ARHGEF10L: variants seen among roughly 807,000 people sequenced by gnomAD.
The protein encoded by ARHGEF10L is rho guanine nucleotide exchange factor 10-like protein.
ARHGEF10L carries 69 observed loss-of-function variants against 141.2 expected under a neutral mutation model. The observed-to-expected ratio is 0.49, with a 90% CI of 0.40 to 0.60. ARHGEF10L has a LOEUF of 0.60. Ranked by LOEUF, ARHGEF10L falls within the 20% of genes least tolerant of loss-of-function variation. The pLI is 0.00. For synonymous variants in ARHGEF10L, 711 were observed against 718.5 expected, an observed-to-expected ratio of 0.99 and a Z score of 0.17; for missense variants, 1,482 against 1,734.3, an observed-to-expected ratio of 0.85 and a Z score of 2.58.
At chr1:17,589,607 A>T (rs534210866) in intron 4 of ARHGEF10L, among the ~76,000 whole-genome samples, 2 of 152,238 alleles carry the variant, frequency 1.3e-5, no homozygotes, top group African/African-American at 4.8e-5. Context: ...GAGTGGGTGG[A>T]CTTGGGGAGG....
At chr1:17,563,978 CCTGTT>C (rs1259767070) in intron 1 of ARHGEF10L, among the ~76,000 whole-genome samples, 2 of 152,212 alleles carry the variant, frequency 1.3e-5, no homozygotes, top group African/African-American at 4.8e-5. Flanking sequence ...GCCACTAACT[CCTGTT>C]CTGATCAGTG....
the ARHGEF10L span, among the ~76,000 whole-genome samples, chr1:17,530,333 G>A: frequency 6.6e-6 from 1 of 152,220 alleles, no homozygotes; most frequent in Non-Finnish European, 1.5e-5. Flanking sequence ...CACTTAATCA[G>A]CTCTGTGGGA....
intron 26 of ARHGEF10L, among the ~76,000 whole-genome samples, chr1:17,679,500 A>T (rs2063946981): frequency 6.6e-6 from 1 of 152,156 alleles, no homozygotes; most frequent in South Asian, 2.1e-4. Context: ...GACAGTCCTG[A>T]GCAAACCGGG....
At position 17,697,356 on chromosome 1, in the gene ARHGEF10L, C is replaced by T. The variant is rs760436074; in HGVS notation, c.3816C>T (p.Ile1272=). 12 of 1,600,310 alleles carry T rather than the reference C, an allele frequency of 7.5e-6. 1 individual carries two copies. The South Asian group carries it at 8.9e-5, about 12-fold the overall frequency. The change falls in exon 29 of 29, where the codon ATC becomes ATT. Residue 1272 remains isoleucine, a synonymous_variant. Coordinates refer to ENST00000361221, the MANE Select transcript of ARHGEF10L (RefSeq NM_018125.4). The surrounding 1 kb of genome is among the most constrained non-coding windows in gnomAD (Gnocchi z 4.8). ...GGGAGACGGACAGCACCCTCCTCAT[C>T]TGGCAGGTGCCCTTGATGCTATAGC... ...PCGETDSTLL[I]WQVPLML is the part of the protein sequence containing the mutation.
chr1:17,520,708 G>A, the ARHGEF10L span, among the ~76,000 whole-genome samples: 6 of 152,224 alleles, frequency 3.9e-5, no homozygotes, highest in African/African-American at 9.6e-5. Flanking sequence ...GGCAGGTCAC[G>A]GCAACCTGGA....
At chr1:17,596,381 GT>G (rs1425310736) in intron 4 of ARHGEF10L, among the ~76,000 whole-genome samples, 1 of 152,242 alleles carries the variant, frequency 6.6e-6, no homozygotes, top group Non-Finnish European at 1.5e-5. Flanking sequence ...GTGACACTGT[GT>G]GGGGCTGTCC....
intron 25 of ARHGEF10L, among the ~76,000 whole-genome samples, chr1:17,658,955 G>T (rs1036977396): frequency 1.4e-4 from 22 of 152,190 alleles, no homozygotes; most frequent in African/African-American, 4.8e-4. Context: ...CCAGAGGCAG[G>T]AGAATGCTTG....
At chr1:17,597,939 A>G (rs1158025416) in intron 4 of ARHGEF10L, among the ~76,000 whole-genome samples, 2 of 152,080 alleles carry the variant, frequency 1.3e-5, no homozygotes, top group African/African-American at 4.8e-5. Context: ...TACAGTTTAC[A>G]TGGGGCTTTC....
chr1:17,551,478 G>A (rs1199530631), intron 1 of ARHGEF10L, among the ~76,000 whole-genome samples: 1 of 152,182 alleles, frequency 6.6e-6, no homozygotes, highest in Admixed American at 6.5e-5. Flanking sequence ...ATGTCAGGGA[G>A]GGTGCAGGAG....
chr1:17,528,554 C>T, the ARHGEF10L span, among the ~76,000 whole-genome samples: 7 of 152,164 alleles, frequency 4.6e-5, no homozygotes, highest in Non-Finnish European at 1.0e-4. Flanking sequence ...CCCATCCATC[C>T]ATCCATCCAT....
At chr1:17,566,667 T>A (rs540257770) in intron 1 of ARHGEF10L, among the ~76,000 whole-genome samples, 2 of 152,190 alleles carry the variant, frequency 1.3e-5, no homozygotes, top group Non-Finnish European at 1.5e-5. Flanking sequence ...CATGGCCACA[T>A]GGAGTATGCA....
chr1:17,638,175 GA>G (rs1258942355), intron 19 of ARHGEF10L, among the ~76,000 whole-genome samples, 172 bp downstream of exon 19: 1 of 152,246 alleles, frequency 6.6e-6, no homozygotes, highest in African/African-American at 2.4e-5. Context: ...TCCCTGCCTG[GA>G]AGTCTCTTTT....
At position 17,619,388 on chromosome 1, in the gene ARHGEF10L, C is replaced by T. The variant is rs2059982915; in HGVS notation, c.885C>T (p.Asp295=). 1 of 1,612,622 alleles carries T rather than the reference C, an allele frequency of 6.2e-7. No individual in the cohort carries two copies. The highest frequency in any genetic ancestry group is 1.3e-5 in the African/African-American group (1 of 74,878). The change falls in exon 10 of 29, where the codon GAC becomes GAT. Residue 295 remains aspartate, a synonymous_variant. Coordinates refer to ENST00000361221, the MANE Select transcript of ARHGEF10L (RefSeq NM_018125.4). This position sits in a 1 kb window ranked among gnomAD's most constrained non-coding sequence, Gnocchi z 5.0. The part of the protein sequence containing the change: ...DMGLLEVSVS[D]IKPPAPELGP... Reference sequence around the variant, plus strand: ...GGCTCCTGGAGGTCAGCGTTTCGGACATCAAGCCCCCAGCCCCAGAGCTGG... The same window carrying T: ...GGCTCCTGGAGGTCAGCGTTTCGGATATCAAGCCCCCAGCCCCAGAGCTGG...
chr1:17,670,101 CG>C (rs942493841), intron 26 of ARHGEF10L, among the ~76,000 whole-genome samples: 31 of 152,272 alleles, frequency 2.0e-4, no homozygotes, highest in African/African-American at 7.2e-4. Flanking sequence ...CCGCGAGCCA[CG>C]CCTAGGCCAG....
At chr1:17,687,504 G>T in intron 26 of ARHGEF10L, 69 bp from the exon 27 acceptor site, 1 of 1,561,390 alleles carries the variant, frequency 6.4e-7, no homozygotes, top group Non-Finnish European at 8.8e-7. Flanking sequence ...TGGCCCAGGG[G>T]TGGGGGCTTG....
At chr1:17,535,253 G>A (rs2076558392), upstream of ARHGEF10L, among the ~76,000 whole-genome samples, 1 of 152,132 alleles carries the variant, frequency 6.6e-6, no homozygotes, top group South Asian at 2.1e-4. Context: ...GTGGTCCTCT[G>A]AGAATCTAAT....
In ARHGEF10L at chr1:17,652,047, C is replaced by T. The variant is rs1440402934; in HGVS notation, c.2395-2589C>T. On this transcript the variant is annotated intron_variant, in intron 22 of 28. Coordinates refer to ENST00000361221, the MANE Select transcript of ARHGEF10L (RefSeq NM_018125.4). Reference sequence around the variant, plus strand: ...GCCCCCTTCCAGCTCACCACGTTTCCAGGTGGTCCTGGGGCAGGGGGTGAC... The same window carrying T: ...GCCCCCTTCCAGCTCACCACGTTTCTAGGTGGTCCTGGGGCAGGGGGTGAC... Among the ~76,000 whole-genome samples the T allele has an allele frequency of 2.0e-5, 3 of 152,222 alleles. No individual in the cohort carries two copies. The East Asian group carries it at 5.8e-4, about 29-fold the overall frequency.
chr1:17,617,226 G>A lies in ARHGEF10L; in HGVS notation c.835+1024G>A, dbSNP rs556148042. ...CCATTAGAGGGTTTTACGCAGAAGC[G>A]TCCCATGGTCAGATTTGATCAATTG... On this transcript the variant is annotated intron_variant, in intron 9 of 28. Coordinates refer to ENST00000361221, the MANE Select transcript of ARHGEF10L (RefSeq NM_018125.4). Among the ~76,000 whole-genome samples the A allele has an allele frequency of 2.0e-5, 3 of 152,316 alleles. No homozygotes were observed. In the South Asian group the frequency reaches 6.2e-4, roughly 32 times the overall value.
intron 1 of ARHGEF10L, among the ~76,000 whole-genome samples, chr1:17,572,952 C>A (rs566662149): frequency 2.4e-4 from 37 of 152,310 alleles, no homozygotes; most frequent in South Asian, 6.2e-4. Flanking sequence ...CTCCCTTTGG[C>A]TCCACCCTGA....
Sources: gnomAD v4.1 joint callset for allele counts (sites outside exome capture counted in the v4.1 genomes callset) on GRCh38, gnomAD v4.1.1 for gene constraint, Gnocchi (gnomAD v3.1) non-coding constraint, MANE v1.5 for transcripts, NCBI Gene and HGNC (gene_info 2026-07-23, HGNC 2026-07-21) for gene names.